Variants in MBP observed in about 807,000 individuals in gnomAD.
The protein encoded by MBP is myelin basic protein.
MBP carries 16 observed loss-of-function variants against 35.8 expected under a neutral mutation model. The ratio of observed to expected loss-of-function variants is 0.45; its 90% CI spans 0.30 to 0.68. MBP has a LOEUF of 0.68. Among genes scored for constraint, MBP ranks in the 30% least tolerant of loss-of-function variants. MBP has a pLI of 0.08. For missense variants in MBP, 380 were observed against 404.7 expected (o/e 0.94, Z 0.52); for synonymous variants, 143 against 159.6 (o/e 0.90, Z 0.78).
chr18:77,033,658 T>G (rs1972624513), intron 3 of MBP, among the ~76,000 whole-genome samples: 1 of 151,890 alleles, frequency 6.6e-6, no homozygotes, highest in Non-Finnish European at 1.5e-5. Context: ...CATCTACCCA[T>G]GTATCTACTC....
chr18:77,072,320 C>T (rs1974485640), intron 2 of MBP, among the ~76,000 whole-genome samples: 1 of 152,164 alleles, frequency 6.6e-6, no homozygotes. Flanking sequence ...TACCTTCTGC[C>T]ATATTCCCTG....
Position 77,020,555 on chromosome 18 carries a change from G to A in MBP, c.140-3287C>T, listed in dbSNP as rs1225928316. Among the ~76,000 whole-genome samples the A allele has an allele frequency of 6.6e-6, 1 of 152,170 alleles. No individual in the cohort carries two copies. Among genetic ancestry groups the A allele is most frequent in the Non-Finnish European group, 1.5e-5 (1 of 68,034 alleles). Reference sequence around the variant, plus strand: ...AGGAACCCCTCCTCAGAGTCACATGGGAGGCTGAATTTCCCAGCACATGCT... The same window carrying A: ...AGGAACCCCTCCTCAGAGTCACATGAGAGGCTGAATTTCCCAGCACATGCT... On this transcript the variant is annotated intron_variant, in intron 3 of 8. Coordinates refer to ENST00000355994, the MANE Select transcript of MBP (RefSeq NM_001025101.2). This position sits in a 1 kb window ranked among gnomAD's most constrained non-coding sequence, Gnocchi z 4.1.
intron 2 of MBP, among the ~76,000 whole-genome samples, chr18:77,076,490 C>T (rs1056703748): frequency 6.6e-6 from 1 of 152,216 alleles, no homozygotes; most frequent in African/African-American, 2.4e-5. Flanking sequence ...CTGAGAGCAT[C>T]GAGGCGGCAC....
At chr18:77,077,606 G>T (rs11663770) in intron 2 of MBP, among the ~76,000 whole-genome samples, 15,734 of 152,140 alleles carry the variant, frequency 0.1, 1,006 homozygotes, top group South Asian at 0.19. Flanking sequence ...GGGTTTTGCT[G>T]AGGGATTTAA....
chr18:77,094,953 T>C (rs1195439673), intron 2 of MBP, among the ~76,000 whole-genome samples: 1 of 152,224 alleles, frequency 6.6e-6, no homozygotes, highest in African/African-American at 2.4e-5. Flanking sequence ...ACATCTCCAT[T>C]ATGGCAGAAC....
rs550296710 is a variant in MBP at position 77,088,450 on chromosome 18, C to T, written c.51+16761G>A. 1.1e-4 allele frequency among the ~76,000 whole-genome samples: 17 copies of T among 152,312 alleles called. No individual in the cohort carries two copies. In the East Asian group the frequency reaches 2.1e-3, roughly 19 times the overall value. On this transcript the variant is annotated intron_variant, in intron 2 of 8. Transcript: ENST00000355994. Reference sequence around the variant, plus strand: ...TATGACTGTTGGGGCCACCAACCTTCAGGGCACACCAGATGCTCAGTTTTT... The same window carrying T: ...TATGACTGTTGGGGCCACCAACCTTTAGGGCACACCAGATGCTCAGTTTTT...
At chr18:76,992,813 C>T (rs569380132) in intron 4 of MBP, among the ~76,000 whole-genome samples, 12 of 152,300 alleles carry the variant, frequency 7.9e-5, no homozygotes, top group African/African-American at 2.6e-4. Context: ...CCCCAGCTCT[C>T]CTCCCACTTG....
chr18:77,121,732 A>G (rs536837347), intron 1 of MBP, among the ~76,000 whole-genome samples: 1 of 152,320 alleles, frequency 6.6e-6, no homozygotes, highest in African/African-American at 2.4e-5. Flanking sequence ...CTGAAATACA[A>G]TTGATTTATA....
chr18:77,074,551 C>T (rs913122963), intron 2 of MBP, among the ~76,000 whole-genome samples: 1 of 152,130 alleles, frequency 6.6e-6, no homozygotes, highest in Non-Finnish European at 1.5e-5. Context: ...GAGAACTAGG[C>T]TTCAGTGTCT....
At chr18:77,014,502 C>T (rs558954021) in intron 4 of MBP, 51 of 985,442 alleles carry the variant, frequency 5.2e-5, no homozygotes, top group Non-Finnish European at 5.8e-5. Flanking sequence ...CACACCTCTT[C>T]GGCCTATCCC....
At position 77,119,718 on chromosome 18, in the gene MBP, G is replaced by A. The variant is rs559952155; in HGVS notation, c.-26+12862C>T. Among the ~76,000 whole-genome samples the A allele has an allele frequency of 3.0e-4, 46 of 152,310 alleles. 1 individual carries two copies. The South Asian group carries it at 8.7e-3, about 29-fold the overall frequency. ...TTAAGGCTCCTCCCAGAAAACCGAA[G>A]CCTTGATTCTGGAGGGACAAGGGAC... On this transcript the variant is annotated intron_variant, in intron 1 of 8. Transcript: ENST00000355994.
At chr18:77,078,739 C>T (rs949358028) in intron 2 of MBP, among the ~76,000 whole-genome samples, 4 of 152,224 alleles carry the variant, frequency 2.6e-5, no homozygotes, top group Non-Finnish European at 4.4e-5. Context: ...AGTTCCATCC[C>T]GTGCCCTGTG....
intron 2 of MBP, among the ~76,000 whole-genome samples, chr18:77,095,770 G>A (rs937365976): frequency 2.0e-5 from 3 of 152,188 alleles, no homozygotes; most frequent in Admixed American, 2.0e-4. Context: ...CCTGCCTCTG[G>A]GCAGGGGAAT....
intron 2 of MBP, among the ~76,000 whole-genome samples, chr18:77,096,670 GC>G (rs1216332463): frequency 7.2e-5 from 11 of 152,190 alleles, no homozygotes; most frequent in Non-Finnish European, 1.5e-4. Flanking sequence ...ACCAGGGAAA[GC>G]CCAGTGTCTA....
rs1433527891 is a variant in MBP, at chr18:77,014,364, G to C, written c.576+2468C>G. ...GCCCCTTTTATAGGGTCATGGGGGG[G>C]CTCCACTCAGAGTCTGGCAGGAATC... On this transcript the variant is annotated intron_variant, in intron 4 of 8. Transcript: ENST00000355994. 2.1e-5 allele frequency: 21 copies of C among 985,304 alleles called. No individual in the cohort carries two copies. In the South Asian group the frequency reaches 8.9e-4, roughly 42 times the overall value. The allele number at this position is 985,304 out of a possible 1,614,324, so 61.0% of individuals were successfully genotyped here. A position where few individuals can be genotyped will look rare whatever the true frequency, so the allele number is the denominator to read the frequency against.
At position 76,988,750 on chromosome 18, in the gene MBP, G is replaced by T; in HGVS notation, c.717+127C>A. On this transcript the variant is annotated intron_variant, in intron 6 of 8. Transcript: ENST00000355994. The surrounding 1 kb of genome is among the most constrained non-coding windows in gnomAD (Gnocchi z 5.2). ...TGCCGACCTGTTCTACTTGGGAGCTGCCTGGCAACACGTTTTGGGATGGAT... is the reference window on the plus strand; with the variant it reads ...TGCCGACCTGTTCTACTTGGGAGCTTCCTGGCAACACGTTTTGGGATGGAT... 1 of 1,342,946 alleles carries T rather than the reference G, an allele frequency of 7.4e-7. No homozygotes were observed. The highest frequency in any genetic ancestry group is 1.0e-6 in the Non-Finnish European group (1 of 967,324). The allele number at this position is 1,342,946 out of a possible 1,614,324, so 83.2% of individuals were successfully genotyped here.
intron 3 of MBP, among the ~76,000 whole-genome samples, chr18:77,051,458 G>A (rs926676711): frequency 6.6e-6 from 1 of 152,198 alleles, no homozygotes; most frequent in African/African-American, 2.4e-5. Context: ...GAGACTGCCC[G>A]ACAGAGCCCA....
intron 3 of MBP, among the ~76,000 whole-genome samples, chr18:77,063,045 G>A (rs567280949): frequency 5.3e-5 from 8 of 152,270 alleles, no homozygotes; most frequent in South Asian, 2.1e-4. Context: ...GTTTCCCAAC[G>A]TACTGATGGG....
chr18:77,078,401 A>T (rs1160320886), intron 2 of MBP, among the ~76,000 whole-genome samples: 1 of 152,152 alleles, frequency 6.6e-6, no homozygotes, highest in Non-Finnish European at 1.5e-5. Flanking sequence ...GGAAGTTTTT[A>T]ATATTCTGAA....
Sources: gnomAD v4.1 joint callset for allele counts (sites outside exome capture counted in the v4.1 genomes callset) on GRCh38, gnomAD v4.1.1 for gene constraint, Gnocchi (gnomAD v3.1) non-coding constraint, MANE v1.5 for transcripts, NCBI Gene and HGNC (gene_info 2026-07-23, HGNC 2026-07-21) for gene names.